FRMPD4: variants seen among roughly 807,000 people sequenced by gnomAD.
FRMPD4 encodes FERM and PDZ domain-containing protein 4.
A neutral mutation model predicts 94.1 loss-of-function variants in FRMPD4; 22 were observed. That is an observed-to-expected ratio of 0.23 (90% confidence interval 0.17 to 0.33). The LOEUF (loss-of-function observed/expected upper bound fraction) is 0.33, where lower values mean the gene tolerates loss of function less well. FRMPD4 is among the 10% of genes least tolerant of loss of function. FRMPD4 has a pLI of 1.00. For synonymous variants in FRMPD4, 631 were observed against 548.6 expected, an observed-to-expected ratio of 1.15 and a Z score of -2.10; for missense variants, 1,111 against 1,339.9, an observed-to-expected ratio of 0.83 and a Z score of 2.67.
chrX:11,944,995 G>C (rs1403095500), intron 3 of FRMPD4, among the ~76,000 whole-genome samples: 1 of 112,213 alleles, frequency 8.9e-6, no homozygotes, highest in Non-Finnish European at 1.9e-5. Context: ...ACTGCACGTT[G>C]TGATCACCTG....
intron 1 of FRMPD4, among the ~76,000 whole-genome samples, chrX:12,430,064 C>CAGTT (rs1181180834): frequency 8.9e-6 from 1 of 112,063 alleles, no homozygotes; most frequent in African/African-American, 3.2e-5. Flanking sequence ...TACCCAGTCT[C>CAGTT]AGTTATTGTG....
chrX:11,827,094 T>C (rs909260924), intron 1 of FRMPD4, among the ~76,000 whole-genome samples: 3 of 94,371 alleles, frequency 3.2e-5, no homozygotes, highest in African/African-American at 1.1e-4. Flanking sequence ...ATAAAATATA[T>C]ATGTTCTGTA....
chrX:12,583,338 G>A (rs2058887778), intron 2 of FRMPD4: 3 of 536,799 alleles, frequency 5.6e-6, no homozygotes, highest in Admixed American at 3.2e-5. Context: ...TTTGTCTTTT[G>A]GGGGAAAGGG....
intron 1 of FRMPD4, among the ~76,000 whole-genome samples, chrX:12,219,101 G>T (rs1228439892): frequency 8.9e-6 from 1 of 112,009 alleles, no homozygotes; most frequent in Non-Finnish European, 1.9e-5. Context: ...GGGCACCGTG[G>T]CTCAGGCCTA....
At chrX:12,573,232 T>A (rs944557753) in intron 2 of FRMPD4, among the ~76,000 whole-genome samples, 36 of 112,350 alleles carry the variant, frequency 3.2e-4, no homozygotes, top group African/African-American at 1.1e-3. Flanking sequence ...AAGAGAACAC[T>A]GATCAAGTGC....
intron 6 of FRMPD4, among the ~76,000 whole-genome samples, chrX:12,684,214 T>C (rs772398272): frequency 1.6e-4 from 18 of 112,421 alleles, no homozygotes; most frequent in Non-Finnish European, 3.2e-4. Context: ...TTTGACTTTT[T>C]CTCCCAAAAA....
At chrX:12,198,294 A>G (rs750880972) in intron 1 of FRMPD4, among the ~76,000 whole-genome samples, 1 of 111,416 alleles carries the variant, frequency 9.0e-6, no homozygotes, top group Non-Finnish European at 1.9e-5. Context: ...CATACTTGTG[A>G]CCCTAATGAG....
At chrX:12,176,966 C>T (rs752358008) in intron 1 of FRMPD4, among the ~76,000 whole-genome samples, 12 of 111,815 alleles carry the variant, frequency 1.1e-4, no homozygotes, top group Non-Finnish European at 2.1e-4. Context: ...ATAATTTATT[C>T]TAGTGTGACA....
At chrX:12,218,884 A>G (rs138675859) in intron 1 of FRMPD4, among the ~76,000 whole-genome samples, 90 of 112,474 alleles carry the variant, frequency 8.0e-4, no homozygotes, top group Non-Finnish European at 1.4e-3. Context: ...TGCCTTACAT[A>G]TAACATTTGG....
At chrX:12,325,094 C>T (rs979756733) in intron 1 of FRMPD4, among the ~76,000 whole-genome samples, 2 of 112,266 alleles carry the variant, frequency 1.8e-5, no homozygotes, top group African/African-American at 6.5e-5. Context: ...AACCTGTTTT[C>T]CTTTATTCTT....
intron 3 of FRMPD4, among the ~76,000 whole-genome samples, chrX:12,073,011 C>T (rs2054982783): frequency 9.0e-6 from 1 of 110,620 alleles, no homozygotes; most frequent in Admixed American, 9.7e-5. Flanking sequence ...TTACTGTATC[C>T]TTTTGCAACA....
chrX:12,365,219 G>C (rs1177559839), intron 1 of FRMPD4, among the ~76,000 whole-genome samples: 3 of 111,681 alleles, frequency 2.7e-5, no homozygotes, highest in African/African-American at 9.8e-5. Context: ...TGTTTGGAGA[G>C]GGTGGGAGAA....
In FRMPD4 at chrX:12,716,415, C is replaced by A; in HGVS notation, c.1956C>A (p.Ser652=). The change falls in exon 15 of 17, where the codon TCC becomes TCA. Residue 652 remains serine (S), a synonymous_variant. Transcript: ENST00000675598. ...AATCTCCGAGAGGAGCTAAAGTGTC[C>A]TTTATTTTTGGAGACTTCGCCTTGG... is the stretch of plus-strand genomic sequence containing the variant. ...AQESPRGAKV[S]FIFGDFALDD... The A allele has an allele frequency of 1.7e-6, 2 of 1,210,337 alleles. No homozygotes were observed. Among genetic ancestry groups the A allele is most frequent in the Non-Finnish European group, 2.2e-6 (2 of 894,522 alleles).
intron 3 of FRMPD4, among the ~76,000 whole-genome samples, chrX:11,892,878 A>G (rs778264898): frequency 8.9e-6 from 1 of 112,541 alleles, no homozygotes; most frequent in African/African-American, 3.2e-5. Flanking sequence ...TTGCTTCACA[A>G]TCAGTGAGAG....
chrX:12,317,595 A>C (rs937373650), intron 1 of FRMPD4, among the ~76,000 whole-genome samples: 45 of 107,384 alleles, frequency 4.2e-4, no homozygotes, highest in South Asian at 1.9e-3. Context: ...CAAAAAAAAA[A>C]AAAAAAAACA....
chrX:12,326,359 T>G (rs2055287760), intron 1 of FRMPD4, among the ~76,000 whole-genome samples: 1 of 111,995 alleles, frequency 8.9e-6, no homozygotes, highest in South Asian at 3.8e-4. Context: ...TTTCTTGGCC[T>G]CAGCATTATT....
intron 1 of FRMPD4, among the ~76,000 whole-genome samples, chrX:12,404,645 G>A (rs1019388345): frequency 1.8e-5 from 2 of 111,884 alleles, no homozygotes; most frequent in African/African-American, 3.2e-5. Flanking sequence ...TCTTTGTTCC[G>A]CCATTGGGTT....
At chrX:12,066,729 G>GT (rs1332411003) in intron 3 of FRMPD4, among the ~76,000 whole-genome samples, 245 of 107,086 alleles carry the variant, frequency 2.3e-3, no homozygotes, top group African/African-American at 7.6e-3. Context: ...AATCTGGATG[G>GT]TTTTTTTTTA....
intron 3 of FRMPD4, among the ~76,000 whole-genome samples, chrX:12,087,697 A>C (rs1175291884): frequency 8.9e-6 from 1 of 112,419 alleles, no homozygotes; most frequent in Admixed American, 9.4e-5. Flanking sequence ...CAAAGGATTG[A>C]TACGTTTAGG....
Sources: gnomAD v4.1 joint callset for allele counts (sites outside exome capture counted in the v4.1 genomes callset) on GRCh38, gnomAD v4.1.1 for gene constraint, MANE v1.5 for transcripts, NCBI Gene and HGNC (gene_info 2026-07-23, HGNC 2026-07-21) for gene names.